The following GPATCH2 variants were observed in gnomAD, a reference collection of about 807,000 sequenced individuals.
GPATCH2 encodes the protein G-patch domain containing 2.
A neutral mutation model predicts 58.0 loss-of-function variants in GPATCH2; 51 were observed. The ratio of observed to expected loss-of-function variants is 0.88; its 90% CI spans 0.70 to 1.11. The LOEUF (loss-of-function observed/expected upper bound fraction) is 1.11, where lower values mean the gene tolerates loss of function less well. Among genes scored for constraint, GPATCH2 ranks in the 50% most tolerant of loss-of-function variants. The pLI is 0.00. For synonymous variants in GPATCH2, 222 were observed against 218.5 expected, an observed-to-expected ratio of 1.02 and a Z score of -0.14; for missense variants, 625 against 652.2, an observed-to-expected ratio of 0.96 and a Z score of 0.45.
chr1:217,523,124 A>C (rs9724897), intron 5 of GPATCH2, among the ~76,000 whole-genome samples: 31,163 of 151,598 alleles, frequency 0.21, 3,837 homozygotes, highest in East Asian at 0.48. Flanking sequence ...TTGTATTAGG[A>C]AATGTCAATT....
intron 6 of GPATCH2, among the ~76,000 whole-genome samples, chr1:217,505,010 G>T (rs1662480947): frequency 6.6e-6 from 1 of 152,190 alleles, no homozygotes; most frequent in East Asian, 1.9e-4. Context: ...TTACACTGGA[G>T]CCAAGGTTCC....
chr1:217,612,506 A>T (rs1434823462), intron 3 of GPATCH2, among the ~76,000 whole-genome samples: 1 of 152,190 alleles, frequency 6.6e-6, no homozygotes, highest in Non-Finnish European at 1.5e-5. Context: ...TAGAGTCATC[A>T]GCTCGTTTCT....
rs573098372 is a variant in GPATCH2, at chr1:217,470,800, C to T, written c.1277+20880G>A. On this transcript the variant is annotated intron_variant, in intron 8 of 9. Transcript: ENST00000366935. ...TACTCTAAGGATCTCTATACTTAGA[C>T]GCCATTTGAGCTTTCTTTTTAATTG... Among the ~76,000 whole-genome samples the T allele has an allele frequency of 3.0e-4, 46 of 152,068 alleles. 1 individual carries two copies. The South Asian group carries it at 5.8e-3, about 19-fold the overall frequency.
intron 9 of GPATCH2, among the ~76,000 whole-genome samples, chr1:217,433,382 A>ATATATTTATT (rs1487866337): frequency 1.3e-5 from 1 of 78,696 alleles, no homozygotes; most frequent in East Asian, 2.3e-4. Flanking sequence ...ATATATATAT[A>ATATATTTATT]TATTTATTTA....
intron 8 of GPATCH2, among the ~76,000 whole-genome samples, chr1:217,470,760 T>C (rs1455014116): frequency 6.6e-6 from 1 of 152,132 alleles, no homozygotes; most frequent in African/African-American, 2.4e-5. Context: ...ATATGTGGTA[T>C]GCTTCCAATT....
chr1:217,490,683 T>G (rs146058195), intron 8 of GPATCH2, among the ~76,000 whole-genome samples: 29 of 152,330 alleles, frequency 1.9e-4, no homozygotes, highest in Middle Eastern at 3.4e-3. Flanking sequence ...TTCATTTTTA[T>G]GGTGTTTTGT....
intron 5 of GPATCH2, 153 bp downstream of exon 5, chr1:217,610,168 G>T: frequency 6.4e-7 from 1 of 1,574,562 alleles, no homozygotes; most frequent in South Asian, 1.1e-5. Flanking sequence ...GTTTATAGGG[G>T]AATCTCACTG....
intron 5 of GPATCH2, among the ~76,000 whole-genome samples, chr1:217,555,626 A>G (rs1280791374): frequency 6.6e-6 from 1 of 152,220 alleles, no homozygotes; most frequent in Non-Finnish European, 1.5e-5. Context: ...TGACAATGAC[A>G]TAACTAACAT....
At chr1:217,577,850 C>T (rs1157749868) in intron 5 of GPATCH2, among the ~76,000 whole-genome samples, 1 of 151,974 alleles carries the variant, frequency 6.6e-6, no homozygotes, top group Non-Finnish European at 1.5e-5. Flanking sequence ...CAGGTTCAAG[C>T]GTTTCTCCTG....
intron 5 of GPATCH2, among the ~76,000 whole-genome samples, chr1:217,575,308 T>C (rs372652912): frequency 1.3e-5 from 2 of 152,114 alleles, no homozygotes; most frequent in Non-Finnish European, 2.9e-5. Flanking sequence ...CATAAGAACA[T>C]GAAACAGCCA....
Position 217,428,286 on chromosome 1 carries a change from T to G in GPATCH2, c.*2859A>C, listed in dbSNP as rs1177430745. On this transcript the variant is annotated 3_prime_UTR_variant, in exon 10 of 10. Coordinates refer to ENST00000366935, the MANE Select transcript of GPATCH2 (RefSeq NM_018040.5). The stretch of plus-strand genomic sequence containing the variant: ...TAATTTGCTATAAGGCTACAGATAC[T>G]GTAGAAGAGTGGCTTCACAAAACAG... 1 of 152,214 alleles carries G rather than the reference T, an allele frequency of 6.6e-6. No homozygotes were observed. The highest frequency in any genetic ancestry group is 6.5e-5 in the Admixed American group (1 of 15,278). 9.4% of individuals were successfully genotyped at this position (152,214 alleles called of 1,614,324 possible).
chr1:217,494,357 A>T (rs1661901062), intron 7 of GPATCH2, among the ~76,000 whole-genome samples: 1 of 152,334 alleles, frequency 6.6e-6, no homozygotes, highest in Admixed American at 6.5e-5. Context: ...GTCATGAATC[A>T]CAAGTTAATA....
At position 217,568,961 on chromosome 1, in the gene GPATCH2, A is replaced by G. The variant is rs534410961; in HGVS notation, c.1098+41360T>C. 2.6e-5 allele frequency among the ~76,000 whole-genome samples: 4 copies of G among 152,280 alleles called. 1 individual carries two copies. In the South Asian group the frequency reaches 8.3e-4, roughly 32 times the overall value. ...GTGGAGCTGAAGGTGATAAGAAGGG[A>G]TGTGATTCTGAATACATCTGCAAAT... On this transcript the variant is annotated intron_variant, in intron 5 of 9. Transcript: ENST00000366935.
chr1:217,512,858 A>C (rs565920807), intron 6 of GPATCH2, among the ~76,000 whole-genome samples: 8 of 152,364 alleles, frequency 5.3e-5, no homozygotes, highest in African/African-American at 1.4e-4. Context: ...TGAACATATC[A>C]GCTGAGATCT....
At chr1:217,573,019 GAAGA>G (rs1666640998) in intron 5 of GPATCH2, among the ~76,000 whole-genome samples, 1 of 152,194 alleles carries the variant, frequency 6.6e-6, no homozygotes, top group Non-Finnish European at 1.5e-5. Flanking sequence ...AGAAGTGCAA[GAAGA>G]AAGGAAGTCC....
At chr1:217,584,344 A>AAAAAAAAAAAAAAAATATAT (rs1463910405) in intron 5 of GPATCH2, among the ~76,000 whole-genome samples, 178 of 101,668 alleles carry the variant, frequency 1.8e-3, no homozygotes, top group Non-Finnish European at 2.4e-3. Flanking sequence ...AAAAAAAAAA[A>AAAAAAAAAAAAAAAATATAT]ATATATATAT....
At chr1:217,469,696 T>G (rs1660632620) in intron 8 of GPATCH2, among the ~76,000 whole-genome samples, 1 of 152,124 alleles carries the variant, frequency 6.6e-6, no homozygotes, top group African/African-American at 2.4e-5. Context: ...ATATATGCAT[T>G]AAAGTTTTAG....
intron 9 of GPATCH2, among the ~76,000 whole-genome samples, chr1:217,446,958 T>G (rs549465074): frequency 4.5e-4 from 68 of 152,344 alleles, no homozygotes; most frequent in African/African-American, 1.6e-3. Flanking sequence ...ACCCCAGTAT[T>G]TTCTTTTCCT....
intron 5 of GPATCH2, among the ~76,000 whole-genome samples, chr1:217,585,376 G>A (rs189901291): frequency 1.0e-3 from 156 of 152,116 alleles, no homozygotes; most frequent in East Asian, 7.9e-3. Flanking sequence ...TAATCCCAGC[G>A]CTTTGGGAGG....
Sources: gnomAD v4.1 joint callset for allele counts (sites outside exome capture counted in the v4.1 genomes callset) on GRCh38, gnomAD v4.1.1 for gene constraint, MANE v1.5 for transcripts, NCBI Gene and HGNC (gene_info 2026-07-23, HGNC 2026-07-21) for gene names.